Variants in OPRM1 observed in about 807,000 individuals in gnomAD.
OPRM1 encodes mu-type opioid receptor.
OPRM1 carries 27 observed loss-of-function variants against 31.8 expected under a neutral mutation model. The ratio of observed to expected loss-of-function variants is 0.85; its 90% CI spans 0.63 to 1.17. The LOEUF (loss-of-function observed/expected upper bound fraction) is 1.17, where lower values mean the gene tolerates loss of function less well. Among genes scored for constraint, OPRM1 ranks in the 50% most tolerant of loss-of-function variants. The pLI is 0.00. For synonymous variants in OPRM1, 196 were observed against 189.9 expected (o/e 1.03, Z -0.26); for missense variants, 536 against 511.1 (o/e 1.05, Z -0.47).
At chr6:154,017,943 G>A (rs181327348) in intron 1 of OPRM1, among the ~76,000 whole-genome samples, 1 of 150,938 alleles carries the variant, frequency 6.6e-6, no homozygotes, top group East Asian at 1.9e-4. Context: ...CAAACAGTAC[G>A]TATTCATGAT....
intron 3 of OPRM1, among the ~76,000 whole-genome samples, chr6:154,153,444 G>A (rs1798596829): frequency 6.6e-6 from 1 of 152,156 alleles, no homozygotes; most frequent in Non-Finnish European, 1.5e-5. Flanking sequence ...GGCACTTTGG[G>A]AGGCCGAGGC....
chr6:154,083,774 C>G (rs1168020205), intron 1 of OPRM1: 1 of 152,326 alleles, frequency 6.6e-6, no homozygotes, highest in Non-Finnish European at 1.5e-5. Flanking sequence ...GAAACCCCGT[C>G]TCTACTAAAA....
At chr6:154,224,641 G>A (rs1395737597) in intron 3 of OPRM1, among the ~76,000 whole-genome samples, 4 of 152,082 alleles carry the variant, frequency 2.6e-5, no homozygotes, top group Non-Finnish European at 4.4e-5. Context: ...AACCTGGGAG[G>A]TAGAGGTTGC....
At chr6:154,214,934 C>T (rs1452411621) in intron 3 of OPRM1, among the ~76,000 whole-genome samples, 2 of 152,230 alleles carry the variant, frequency 1.3e-5, no homozygotes, top group African/African-American at 4.8e-5. Flanking sequence ...CTGCAGACCA[C>T]TGTAGTTCCT....
chr6:154,094,201 A>G (rs1186529152), intron 3 of OPRM1: 72 of 1,283,696 alleles, frequency 5.6e-5, no homozygotes, highest in Non-Finnish European at 6.9e-5. Context: ...TCAACTTCAT[A>G]TTCTGCAGAT....
chr6:154,063,976 A>C (rs907078936), intron 1 of OPRM1, among the ~76,000 whole-genome samples: 12 of 152,148 alleles, frequency 7.9e-5, no homozygotes, highest in Admixed American at 7.9e-4. Context: ...TATCTTGTGG[A>C]GACCGTGTTT....
intron 1 of OPRM1, among the ~76,000 whole-genome samples, chr6:154,067,568 G>T (rs1785712019): frequency 6.6e-6 from 1 of 151,568 alleles, no homozygotes; most frequent in African/African-American, 2.4e-5. Flanking sequence ...TTAATTTGTG[G>T]TCTAACATAT....
Position 154,159,708 on chromosome 6 carries a change from G to A in OPRM1, c.1164+68236G>A, listed in dbSNP as rs376395266. 10 of 733,458 alleles carry A rather than the reference G, an allele frequency of 1.4e-5. No individual in the cohort carries two copies. In the South Asian group the frequency reaches 1.6e-4, roughly 12 times the overall value. 45.4% of individuals were successfully genotyped at this position (733,458 alleles called of 1,614,324 possible). Reference sequence around the variant, plus strand: ...TTCATCTAACGTGCATCTTTAGATGGGAAGCTGATGCTTGAAGGACTGGGT... The same window carrying A: ...TTCATCTAACGTGCATCTTTAGATGAGAAGCTGATGCTTGAAGGACTGGGT... On this transcript the variant is annotated intron_variant, in intron 3 of 3. Transcript: ENST00000337049.
intron 3 of OPRM1, among the ~76,000 whole-genome samples, chr6:154,211,273 G>A (rs1175973042): frequency 1.3e-5 from 2 of 152,006 alleles, no homozygotes; most frequent in Non-Finnish European, 2.9e-5. Context: ...AAAATTAGCC[G>A]GGCGAGGTGG....
At chr6:154,093,436 T>C in intron 3 of OPRM1, 1 of 1,613,934 alleles carries the variant, frequency 6.2e-7, no homozygotes, top group South Asian at 1.1e-5. Context: ...GGAGCATTTC[T>C]CCTGAGTTAA....
At chr6:154,236,055 G>A (rs886282258) in intron 3 of OPRM1, among the ~76,000 whole-genome samples, 1 of 151,984 alleles carries the variant, frequency 6.6e-6, no homozygotes, top group Non-Finnish European at 1.5e-5. Flanking sequence ...CCACCTCTAG[G>A]TATAAAACCA....
upstream of OPRM1, among the ~76,000 whole-genome samples, chr6:154,037,750 C>T (rs555606138): frequency 6.6e-6 from 1 of 152,144 alleles, no homozygotes; most frequent in Non-Finnish European, 1.5e-5. Flanking sequence ...CTACCCTCGC[C>T]TTTTTTAAGT....
intron 1 of OPRM1, among the ~76,000 whole-genome samples, chr6:154,060,324 G>A (rs1046160315): frequency 3.9e-5 from 6 of 152,142 alleles, no homozygotes; most frequent in East Asian, 1.9e-4. Flanking sequence ...GTACTCCAGC[G>A]AGCCTAAATA....
intron 3 of OPRM1, among the ~76,000 whole-genome samples, chr6:154,142,655 C>A (rs926027101): frequency 6.6e-6 from 1 of 152,150 alleles, no homozygotes; most frequent in East Asian, 1.9e-4. Context: ...TCCAAGTGTA[C>A]TTTCCTTTCT....
At chr6:154,200,158 TAA>T (rs1393508330) in intron 3 of OPRM1, 1 of 892,916 alleles carries the variant, frequency 1.1e-6, no homozygotes, top group East Asian at 2.7e-5. Flanking sequence ...TGACCAATAA[TAA>T]AAGAGTCAAA....
chr6:154,106,711 T>A (rs1232822452), intron 3 of OPRM1, among the ~76,000 whole-genome samples: 2 of 152,164 alleles, frequency 1.3e-5, no homozygotes, highest in Non-Finnish European at 2.9e-5. Flanking sequence ...ATATAAAATC[T>A]CTTTCTTTAT....
chr6:154,084,171 T>C (rs1015771137), intron 1 of OPRM1, among the ~76,000 whole-genome samples: 1 of 152,160 alleles, frequency 6.6e-6, no homozygotes, highest in Non-Finnish European at 1.5e-5. Flanking sequence ...CCTTTGCTGA[T>C]AGTAGCTTAT....
intron 3 of OPRM1, among the ~76,000 whole-genome samples, chr6:154,246,041 G>A (rs1781010617): frequency 6.6e-6 from 1 of 152,140 alleles, no homozygotes; most frequent in South Asian, 2.1e-4. Context: ...GGGGACAAGA[G>A]GTGACAGTCG....
intron 1 of OPRM1, among the ~76,000 whole-genome samples, chr6:154,019,986 G>T (rs990374374): frequency 5.3e-5 from 8 of 151,926 alleles, no homozygotes; most frequent in African/African-American, 1.9e-4. Flanking sequence ...CATCCACGTT[G>T]GCCTCCCAAA....
Sources: gnomAD v4.1 joint callset for allele counts (sites outside exome capture counted in the v4.1 genomes callset) on GRCh38, gnomAD v4.1.1 for gene constraint, MANE v1.5 for transcripts, NCBI Gene and HGNC (gene_info 2026-07-23, HGNC 2026-07-21) for gene names.